Variants in DNAH14 observed in about 807,000 individuals in gnomAD.
DNAH14 encodes dynein axonemal heavy chain 14.
In DNAH14, 478 loss-of-function variants were observed where a neutral mutation model predicts 520.9. The ratio of observed to expected loss-of-function variants is 0.92; its 90% CI spans 0.85 to 0.99. The LOEUF (loss-of-function observed/expected upper bound fraction) is 0.99. DNAH14 is among the 50% of genes least tolerant of loss of function. The pLI is 0.00. For synonymous variants in DNAH14, 1,581 were observed against 1,757.2 expected (o/e 0.90, Z 2.51); for missense variants, 4,831 against 5,234.5 (o/e 0.92, Z 2.38).
intron 66 of DNAH14, among the ~76,000 whole-genome samples, chr1:225,336,446 A>G (rs1278704782): frequency 6.6e-6 from 1 of 151,796 alleles, no homozygotes; most frequent in Non-Finnish European, 1.5e-5. Context: ...TGTACCTAAT[A>G]ACATGATCTC....
rs1017884852 is a variant in DNAH14, at chr1:225,322,226, A to G, written c.9336-438A>G. Reference sequence around the variant, plus strand: ...CTGCTTCAGTCTCCAAGTAGCTGGGACTACAGGCACCCGCCACCATACCCA... The same window carrying G: ...CTGCTTCAGTCTCCAAGTAGCTGGGGCTACAGGCACCCGCCACCATACCCA... On this transcript the variant is annotated intron_variant, in intron 61 of 85. Transcript: ENST00000682510. Among the ~76,000 whole-genome samples the G allele has an allele frequency of 2.0e-5, 3 of 150,016 alleles. No homozygotes were observed. The Admixed American group carries it at 2.0e-4, about 10-fold the overall frequency.
intron 36 of DNAH14, among the ~76,000 whole-genome samples, chr1:225,184,869 A>T (rs1283753332): frequency 6.6e-6 from 1 of 152,066 alleles, no homozygotes; most frequent in Non-Finnish European, 1.5e-5. Flanking sequence ...AAGGATGCCC[A>T]CTCACACCAC....
chr1:225,018,667 TG>T (rs2065411198), intron 10 of DNAH14, among the ~76,000 whole-genome samples: 1 of 152,186 alleles, frequency 6.6e-6, no homozygotes, highest in South Asian at 2.1e-4. Context: ...GGCAGATCAC[TG>T]GCAAAGGGAA....
intron 34 of DNAH14, among the ~76,000 whole-genome samples, chr1:225,154,768 C>T (rs12062457): frequency 0.018 from 2,697 of 151,096 alleles, 62 homozygotes; most frequent in East Asian, 0.053. Context: ...TCTTGGAGTA[C>T]GGAAGATCTT....
chr1:225,032,904 C>T (rs961074116), intron 11 of DNAH14, among the ~76,000 whole-genome samples: 1 of 150,272 alleles, frequency 6.7e-6, no homozygotes, highest in African/African-American at 2.4e-5. Flanking sequence ...TGTTCATGTC[C>T]TTTGCCCACT....
chr1:225,210,839 G>A (rs532280533), intron 41 of DNAH14, among the ~76,000 whole-genome samples: 15 of 152,342 alleles, frequency 9.8e-5, no homozygotes, highest in African/African-American at 2.6e-4. Context: ...TGCAACCTCC[G>A]CTGCTGATAC....
chr1:225,309,423 T>A (rs1007764034), intron 60 of DNAH14, among the ~76,000 whole-genome samples: 2 of 152,136 alleles, frequency 1.3e-5, no homozygotes, highest in African/African-American at 2.4e-5. Flanking sequence ...TGGATACGAG[T>A]AAGCTGCAAG....
At chr1:225,290,136 C>A (rs2093833415) in intron 55 of DNAH14, 54 bp downstream of exon 55, 2 of 1,219,030 alleles carry the variant, frequency 1.6e-6, no homozygotes, top group Admixed American at 3.7e-5. Context: ...ATGTGGCTAC[C>A]CCCTCCCCAA....
chr1:224,942,688 T>A (rs1440269379), intron 1 of DNAH14, among the ~76,000 whole-genome samples: 1 of 152,194 alleles, frequency 6.6e-6, no homozygotes, highest in Non-Finnish European at 1.5e-5. Context: ...CATCGATACC[T>A]AATTTATTCA....
chr1:224,952,964 C>G (rs1165138457), intron 2 of DNAH14, 185 bp downstream of exon 2: 3 of 397,334 alleles, frequency 7.6e-6, no homozygotes, highest in African/African-American at 6.3e-5. Context: ...GCAAATTAAC[C>G]CTGGTTGTTG....
intron 60 of DNAH14, among the ~76,000 whole-genome samples, chr1:225,316,016 G>A (rs1174949052): frequency 5.3e-5 from 8 of 152,348 alleles, no homozygotes; most frequent in South Asian, 4.1e-4. Flanking sequence ...AGCCCCTGAC[G>A]GGGCTGCTGC....
intron 54 of DNAH14, 33 bp downstream of exon 54, chr1:225,277,535 T>C: frequency 4.3e-6 from 2 of 464,938 alleles, no homozygotes; most frequent in Non-Finnish European, 8.9e-6. Flanking sequence ...TGGTTTTAAG[T>C]TTACAAAATA....
chr1:225,210,968 A>G (rs1204521101), intron 41 of DNAH14, among the ~76,000 whole-genome samples: 1 of 152,164 alleles, frequency 6.6e-6, no homozygotes, highest in African/African-American at 2.4e-5. Context: ...CATCAACAGA[A>G]AGTAAGTCCA....
chr1:225,078,584 G>A (rs1289392238), intron 17 of DNAH14, among the ~76,000 whole-genome samples: 1 of 152,162 alleles, frequency 6.6e-6, no homozygotes, highest in African/African-American at 2.4e-5. Context: ...TCTAGATTAT[G>A]TGATATGGTT....
intron 9 of DNAH14, among the ~76,000 whole-genome samples, chr1:225,004,518 A>G (rs1376334505): frequency 6.6e-6 from 1 of 152,194 alleles, no homozygotes; most frequent in Non-Finnish European, 1.5e-5. Context: ...TATATATTTG[A>G]TTTGAAAGTT....
At chr1:225,210,726 G>A (rs991186687) in intron 41 of DNAH14, among the ~76,000 whole-genome samples, 2 of 152,190 alleles carry the variant, frequency 1.3e-5, no homozygotes, top group Non-Finnish European at 2.9e-5. Context: ...CCCAGCAGGG[G>A]CCAACAAACA....
intron 54 of DNAH14, among the ~76,000 whole-genome samples, chr1:225,285,126 C>T (rs537305465): frequency 6.6e-6 from 1 of 152,266 alleles, no homozygotes; most frequent in Non-Finnish European, 1.5e-5. Context: ...AAGTTCTAGC[C>T]AGTGCAATTA....
At chr1:225,196,863 G>GT (rs34081964) in intron 38 of DNAH14, among the ~76,000 whole-genome samples, 12 of 151,534 alleles carry the variant, frequency 7.9e-5, no homozygotes, top group African/African-American at 2.9e-4. Flanking sequence ...GGGATTGGTT[G>GT]TTTTTTTTCT....
chr1:225,079,504 T>C lies in DNAH14; in HGVS notation c.2722T>C (p.Cys908Arg), dbSNP rs1290066298. Residue 908 changes from cysteine (C) to arginine (R), a missense_variant, in exon 18 of 86, where the codon TGT (cysteine) becomes CGT (arginine). By Grantham distance (180) the Cys-to-Arg change is radical (BLOSUM62 -3). Coordinates refer to ENST00000682510, the MANE Select transcript of DNAH14 (RefSeq NM_001367479.1). ...TAAATTCAGAGATAACTTGGAAGCA[T>C]GTATCAGTGGTCTACATGTTGATGT... The part of the protein sequence containing the change: ...ITKFRDNLEA[C>R]ISGLHVDVGN... 6 of 1,540,380 alleles carry C rather than the reference T, an allele frequency of 3.9e-6. No homozygotes were observed. Among genetic ancestry groups the C allele is most frequent in the Non-Finnish European group, 5.2e-6 (6 of 1,144,680 alleles).
Sources: gnomAD v4.1 joint callset for allele counts (sites outside exome capture counted in the v4.1 genomes callset) on GRCh38, gnomAD v4.1.1 for gene constraint, MANE v1.5 for transcripts, NCBI Gene and HGNC (gene_info 2026-07-23, HGNC 2026-07-21) for gene names.